CBFA2T2: variants seen among roughly 807,000 people sequenced by gnomAD.
CBFA2T2 encodes the protein CBFA2/RUNX1 partner transcriptional co-repressor 2.
A neutral mutation model predicts 62.2 loss-of-function variants in CBFA2T2; 11 were observed. The observed-to-expected ratio is 0.18, with a 90% CI of 0.11 to 0.29. CBFA2T2 has a LOEUF of 0.29. Ranked by LOEUF, CBFA2T2 falls within the 10% of genes least tolerant of loss-of-function variation. The probability of loss-of-function intolerance (pLI) is 1.00; values close to 1 mark genes in which losing one functional copy is unlikely to be tolerated. For synonymous variants in CBFA2T2, 295 were observed against 287.5 expected (o/e 1.03, Z -0.27); for missense variants, 592 against 774.1 (o/e 0.76, Z 2.79).
At position 33,634,670 on chromosome 20, in the gene CBFA2T2, CAAAAAAAAA is replaced by C. The variant is rs758089440; in HGVS notation, c.1229-1952_1229-1944del. On this transcript the variant is annotated intron_variant, in intron 8 of 10. Transcript: ENST00000342704. ...GGGCAACAGAGCAAGACCCTATGTCCAAAAAAAAAAAAAAAAAAAAAAAAAAGAATCTGA... is the reference window on the plus strand; with the variant it reads ...GGGCAACAGAGCAAGACCCTATGTCCAAAAAAAAAAAAAAAAAGAATCTGA... Among the ~76,000 whole-genome samples, 57 of 47,926 alleles carry C rather than the reference CAAAAAAAAA, an allele frequency of 1.2e-3. 1 individual carries two copies. Among genetic ancestry groups the C allele is most frequent in the African/African-American group, 2.3e-3 (44 of 18,834 alleles). The allele number at this position is 47,926 out of a possible 152,430, so 31.4% of individuals were successfully genotyped here.
At chr20:33,541,679 C>T (rs935607767) in intron 1 of CBFA2T2, among the ~76,000 whole-genome samples, 2 of 152,166 alleles carry the variant, frequency 1.3e-5, no homozygotes, top group Non-Finnish European at 2.9e-5. Flanking sequence ...GGTACATTTT[C>T]CCAAATCATC....
chr20:33,644,418 T>C lies in CBFA2T2; in HGVS notation c.1560T>C (p.Ser520=), dbSNP rs376488617. 4.8e-5 allele frequency: 77 copies of C among 1,614,144 alleles called. No individual in the cohort carries two copies. Among genetic ancestry groups the C allele is most frequent in the Non-Finnish European group, 6.1e-5 (72 of 1,180,048 alleles). ...GCAATATCGCGCGATACTGTGGCTC[T>C]TTCTGCCAGCACAAGGACTGGGAGC... is the stretch of plus-strand genomic sequence containing the variant. ...SGCNIARYCG[S]FCQHKDWERH... The change falls in exon 11 of 11, where the codon TCT becomes TCC. Residue 520 remains serine (S), a synonymous_variant. Coordinates refer to ENST00000342704, the MANE Select transcript of CBFA2T2 (RefSeq NM_001032999.3).
chr20:33,517,165 G>T (rs1422066983), intron 1 of CBFA2T2, among the ~76,000 whole-genome samples: 2 of 152,198 alleles, frequency 1.3e-5, no homozygotes, highest in Non-Finnish European at 2.9e-5. Context: ...ATTACCTGTG[G>T]TTATAGGAGA....
Position 33,525,187 on chromosome 20 carries a change from A to ATT in CBFA2T2, c.34+34900_34+34901dup, listed in dbSNP as rs1236157163. ...GATATAATTCACATACCCTACCTCC[A>ATT]TTTTTTTTTTTTTTTGAGACAGAGT... is the stretch of plus-strand genomic sequence containing the variant. On this transcript the variant is annotated intron_variant, in intron 1 of 10. Transcript: ENST00000342704. 1.8e-3 allele frequency among the ~76,000 whole-genome samples: 234 copies of ATT among 130,152 alleles called. 1 individual carries two copies. Among genetic ancestry groups the ATT allele is most frequent in the African/African-American group, 5.7e-3 (203 of 35,650 alleles). The allele number at this position is 130,152 out of a possible 152,430, so 85.4% of individuals were successfully genotyped here. A position where few individuals can be genotyped will look rare whatever the true frequency, so the allele number is the denominator to read the frequency against.
intron 1 of CBFA2T2, among the ~76,000 whole-genome samples, chr20:33,595,181 GGT>G (rs2146930656): frequency 6.6e-6 from 1 of 152,316 alleles, no homozygotes; most frequent in African/African-American, 2.4e-5. Flanking sequence ...ATGCATTTCT[GGT>G]GGATAGCTGT....
At chr20:33,493,780 C>T (rs1024706447) in intron 1 of CBFA2T2, among the ~76,000 whole-genome samples, 10 of 30,962 alleles carry the variant, frequency 3.2e-4, no homozygotes, top group Non-Finnish European at 3.2e-3. Flanking sequence ...GGAGTAGAGG[C>T]ATGAGCCACC....
At chr20:33,643,368 G>A (rs1208747497) in intron 10 of CBFA2T2, among the ~76,000 whole-genome samples, 1 of 152,080 alleles carries the variant, frequency 6.6e-6, no homozygotes, top group African/African-American at 2.4e-5. Context: ...TTGAGGCCAG[G>A]AGGTCAAGAC....
At chr20:33,534,442 A>G (rs1415277350) in intron 1 of CBFA2T2, among the ~76,000 whole-genome samples, 1 of 152,096 alleles carries the variant, frequency 6.6e-6, no homozygotes, top group Non-Finnish European at 1.5e-5. Context: ...CTTCCTGAGT[A>G]GCTGGGACTA....
chr20:33,591,179 C>CAAAAAAAAAAAAAAAAAAA (rs80021195), intron 1 of CBFA2T2, among the ~76,000 whole-genome samples: 12 of 82,010 alleles, frequency 1.5e-4, no homozygotes, highest in African/African-American at 5.7e-4. Context: ...AACTCCCTCT[C>CAAAAAAAAAAAAAAAAAAA]AAAAAAAAAA....
In CBFA2T2 at chr20:33,536,509, C is replaced by CT. The variant is rs1201413933; in HGVS notation, c.34+46209dup. On this transcript the variant is annotated intron_variant, in intron 1 of 10. Transcript: ENST00000342704. The stretch of plus-strand genomic sequence containing the variant: ...ACCTCCCTCCCGGACGGGGTGGCTG[C>CT]TGGGTGGAGACACTCCTCACTTCCC... Among the ~76,000 whole-genome samples the CT allele has an allele frequency of 3.3e-5, 5 of 150,774 alleles. No homozygotes were observed. In the South Asian group the frequency reaches 6.3e-4, roughly 19 times the overall value.
chr20:33,541,226 G>C (rs1161945333), intron 1 of CBFA2T2, among the ~76,000 whole-genome samples: 5 of 152,172 alleles, frequency 3.3e-5, no homozygotes, highest in Admixed American at 2.6e-4. Context: ...GCACTGAAAG[G>C]TGGTTGTCAT....
chr20:33,492,924 AT>A (rs538301039), intron 1 of CBFA2T2, among the ~76,000 whole-genome samples: 4 of 150,614 alleles, frequency 2.7e-5, no homozygotes, highest in African/African-American at 7.3e-5. Flanking sequence ...TGCCTGGCTA[AT>A]TTTTTTTTGT....
At chr20:33,632,050 G>A (rs561062089) in intron 8 of CBFA2T2, among the ~76,000 whole-genome samples, 57 of 152,100 alleles carry the variant, frequency 3.7e-4, no homozygotes, top group Middle Eastern at 3.4e-3. Flanking sequence ...TTGTTTGTTC[G>A]TTTTTGTTTG....
Position 33,491,740 on chromosome 20 carries a change from C to T in CBFA2T2, c.34+1439C>T, listed in dbSNP as rs149218630. ...TTTTTGAGACGGAATCTTGCTCTGT[C>T]GCCCAGACTGGAGTGCAGGGGTGTG... is the stretch of plus-strand genomic sequence containing the variant. On this transcript the variant is annotated intron_variant, in intron 1 of 10. Transcript: ENST00000342704. 5.1e-3 allele frequency among the ~76,000 whole-genome samples: 769 copies of T among 151,304 alleles called. 6 individuals are homozygous for T. The highest frequency in any genetic ancestry group is 0.018 in the African/African-American group (725 of 41,202).
At chr20:33,597,123 G>A (rs1225689869) in intron 1 of CBFA2T2, among the ~76,000 whole-genome samples, 1 of 151,322 alleles carries the variant, frequency 6.6e-6, no homozygotes, top group Non-Finnish European at 1.5e-5. Context: ...GTGGAGCCGG[G>A]GTCTTGCCAT....
rs547890057 is a variant in CBFA2T2 at position 33,611,451 on chromosome 20, T to A, written c.420+116T>A. 24 of 1,170,746 alleles carry A rather than the reference T, an allele frequency of 2.0e-5. No homozygotes were observed. In the African/African-American group the frequency reaches 3.3e-4, roughly 16 times the overall value. 72.5% of individuals were successfully genotyped at this position (1,170,746 alleles called of 1,614,324 possible). A position where few individuals can be genotyped will look rare whatever the true frequency, so the allele number is the denominator to read the frequency against. On this transcript the variant is annotated intron_variant, in intron 3 of 10. Coordinates refer to ENST00000342704, the MANE Select transcript of CBFA2T2 (RefSeq NM_001032999.3). ...AAACCCATGGTCATATGGCAAATGC[T>A]ACAGACTAGACTAGTTATTGAATAA...
intron 1 of CBFA2T2, among the ~76,000 whole-genome samples, chr20:33,588,371 T>A (rs1396154135): frequency 6.6e-6 from 1 of 150,802 alleles, no homozygotes; most frequent in East Asian, 1.9e-4. Context: ...TATATATATA[T>A]AAATATATAT....
At chr20:33,565,080 C>T (rs947175996) in intron 1 of CBFA2T2, among the ~76,000 whole-genome samples, 12 of 152,094 alleles carry the variant, frequency 7.9e-5, no homozygotes, top group African/African-American at 2.2e-4. Flanking sequence ...CCACCACACC[C>T]GGCTAATTTT....
chr20:33,600,101 C>T (rs560263773), intron 1 of CBFA2T2, among the ~76,000 whole-genome samples: 2 of 145,534 alleles, frequency 1.4e-5, no homozygotes, highest in African/African-American at 5.1e-5. Flanking sequence ...GTTTAGCCAA[C>T]TTTATAAGGC....
Sources: allele counts gnomAD v4.1 joint callset (sites outside exome capture counted in the v4.1 genomes callset), GRCh38; gene constraint gnomAD v4.1.1; transcripts MANE v1.5; gene names NCBI Gene and HGNC (gene_info 2026-07-23, HGNC 2026-07-21).